Variants in COL26A1 observed in about 807,000 individuals in gnomAD.
COL26A1 encodes the protein collagen alpha-1(XXVI) chain.
Under a neutral mutation model 59.3 loss-of-function variants are expected in COL26A1, and 41 were observed. That is an observed-to-expected ratio of 0.69 (90% CI 0.54 to 0.90). The LOEUF (loss-of-function observed/expected upper bound fraction) is 0.90, where lower values mean the gene tolerates loss of function less well. Among genes scored for constraint, COL26A1 ranks in the 40% least tolerant of loss-of-function variants. The probability of loss-of-function intolerance (pLI) is 0.00; values close to 1 mark genes in which losing one functional copy is unlikely to be tolerated. For missense variants in COL26A1, 612 were observed against 602.3 expected (o/e 1.02, Z -0.17); for synonymous variants, 266 against 256.0 (o/e 1.04, Z -0.37).
At chr7:101,516,172 T>G (rs111691181) in intron 3 of COL26A1, among the ~76,000 whole-genome samples, 3,366 of 152,340 alleles carry the variant, frequency 0.022, 135 homozygotes, top group African/African-American at 0.077. Flanking sequence ...TTTTCTAATC[T>G]GTACGAAGAA....
intron 2 of COL26A1, among the ~76,000 whole-genome samples, chr7:101,442,891 A>G (rs1298637295): frequency 6.6e-6 from 1 of 152,132 alleles, no homozygotes; most frequent in Non-Finnish European, 1.5e-5. Context: ...GCGAGTGTGC[A>G]AGCACGAGTG....
intron 2 of COL26A1, among the ~76,000 whole-genome samples, chr7:101,423,751 C>G (rs1056198335): frequency 6.6e-6 from 1 of 151,096 alleles, no homozygotes. Flanking sequence ...AAAGAAGGAC[C>G]GGGGTCTTCG....
At chr7:101,445,370 G>A (rs1793160804) in intron 2 of COL26A1, among the ~76,000 whole-genome samples, 1 of 151,862 alleles carries the variant, frequency 6.6e-6, no homozygotes, top group African/African-American at 2.4e-5. Context: ...GCATGGTGCC[G>A]GCATCTCCTT....
chr7:101,493,590 A>G (rs1441075564), intron 3 of COL26A1, among the ~76,000 whole-genome samples: 1 of 152,068 alleles, frequency 6.6e-6, no homozygotes, highest in Admixed American at 6.6e-5. Flanking sequence ...AGGATTATCA[A>G]TGACCATGAA....
intron 3 of COL26A1, among the ~76,000 whole-genome samples, chr7:101,497,753 G>A (rs1442303045): frequency 6.6e-6 from 1 of 152,194 alleles, no homozygotes; most frequent in Admixed American, 6.5e-5. Flanking sequence ...GCCCAAGGTG[G>A]AAGGATCACT....
At chr7:101,441,415 G>T (rs550271016) in intron 2 of COL26A1, among the ~76,000 whole-genome samples, 1 of 152,136 alleles carries the variant, frequency 6.6e-6, no homozygotes, top group East Asian at 1.9e-4. Context: ...AGGTTTAAGC[G>T]ATTCTTGTGC....
chr7:101,425,313 A>G (rs1792618359), intron 2 of COL26A1, among the ~76,000 whole-genome samples: 1 of 152,040 alleles, frequency 6.6e-6, no homozygotes, highest in Non-Finnish European at 1.5e-5. Context: ...TTAACCTGGG[A>G]GGCAGTGTTC....
chr7:101,402,430 C>T (rs749147573), intron 1 of COL26A1, among the ~76,000 whole-genome samples: 36 of 152,128 alleles, frequency 2.4e-4, no homozygotes, highest in Non-Finnish European at 4.9e-4. Flanking sequence ...CCCTTCCCTT[C>T]CCCTTTCCCC....
rs1291598046 is a variant in COL26A1, at chr7:101,522,437, G to A, written c.386-10645G>A. Among the ~76,000 whole-genome samples, 5 of 152,156 alleles carry A rather than the reference G, an allele frequency of 3.3e-5. No individual in the cohort carries two copies. In the South Asian group the frequency reaches 6.2e-4, roughly 19 times the overall value. Reference sequence around the variant, plus strand: ...AGTTTATTTCCTCACAGCTCTGGGGGCTGAGAAGTCTAAGATCAAAATCAG... The same window carrying A: ...AGTTTATTTCCTCACAGCTCTGGGGACTGAGAAGTCTAAGATCAAAATCAG... On this transcript the variant is annotated intron_variant, in intron 3 of 12. Coordinates refer to ENST00000313669, the MANE Select transcript of COL26A1 (RefSeq NM_001278563.3).
chr7:101,549,609 C>T (rs140973852), intron 9 of COL26A1, among the ~76,000 whole-genome samples: 1,706 of 152,166 alleles, frequency 0.011, 17 homozygotes, highest in Middle Eastern at 0.051. Flanking sequence ...CTCGAACATC[C>T]GACCTCAAGT....
intron 1 of COL26A1, among the ~76,000 whole-genome samples, chr7:101,381,367 T>C (rs866131335): frequency 1.3e-5 from 2 of 152,174 alleles, no homozygotes; most frequent in African/African-American, 2.4e-5. Flanking sequence ...TTAGATTAGG[T>C]TGGGCTCATC....
chr7:101,514,489 A>G (rs1430583188), intron 3 of COL26A1, among the ~76,000 whole-genome samples: 2 of 152,178 alleles, frequency 1.3e-5, no homozygotes, highest in Non-Finnish European at 2.9e-5. Context: ...TGGATGAGTC[A>G]GGGGACCCAG....
At chr7:101,496,642 T>C (rs1443836469) in intron 3 of COL26A1, among the ~76,000 whole-genome samples, 5 of 152,150 alleles carry the variant, frequency 3.3e-5, no homozygotes, top group Admixed American at 3.3e-4. Context: ...ACCCCTGTAA[T>C]TGGGAGGCCA....
At chr7:101,544,139 A>G in intron 6 of COL26A1, 43 bp downstream of exon 6, 1 of 1,473,672 alleles carries the variant, frequency 6.8e-7, no homozygotes, top group Non-Finnish European at 9.3e-7. Context: ...AACCTGCGGA[A>G]GGGGCTGGGC....
At chr7:101,471,953 C>T (rs545674138) in intron 3 of COL26A1, among the ~76,000 whole-genome samples, 4 of 120,246 alleles carry the variant, frequency 3.3e-5, no homozygotes, top group African/African-American at 1.6e-4. Flanking sequence ...TTGCTATTCT[C>T]TTGTGTAACT....
intron 4 of COL26A1, 88 bp downstream of exon 4, chr7:101,533,231 C>A: frequency 1.1e-6 from 1 of 950,584 alleles, no homozygotes. Flanking sequence ...CTGGGTGTGG[C>A]CGTGGAATTC....
At chr7:101,551,516 C>T (rs73715305) in intron 10 of COL26A1, among the ~76,000 whole-genome samples, 4 of 152,218 alleles carry the variant, frequency 2.6e-5, no homozygotes, top group East Asian at 3.9e-4. Flanking sequence ...TTCCTTTAAT[C>T]GACTTTCTTG....
chr7:101,391,918 A>G (rs576943325), intron 1 of COL26A1, among the ~76,000 whole-genome samples: 3 of 149,028 alleles, frequency 2.0e-5, no homozygotes, highest in African/African-American at 7.6e-5. Flanking sequence ...TGGTCTTGCT[A>G]TGTTGCTCAG....
intron 3 of COL26A1, among the ~76,000 whole-genome samples, chr7:101,499,800 T>C (rs1180682636): frequency 1.0e-4 from 15 of 150,556 alleles, no homozygotes; most frequent in Admixed American, 1.0e-3. Context: ...TCACTTGAGC[T>C]CAGAAGGTGG....
Sources: allele counts gnomAD v4.1 joint callset (sites outside exome capture counted in the v4.1 genomes callset), GRCh38; gene constraint gnomAD v4.1.1; transcripts MANE v1.5; gene names NCBI Gene and HGNC (gene_info 2026-07-23, HGNC 2026-07-21).